RBFOX1: variants seen among roughly 807,000 people sequenced by gnomAD.
RBFOX1 encodes the protein RNA binding protein fox-1 homolog 1.
Under a neutral mutation model 57.7 loss-of-function variants are expected in RBFOX1, and 8 were observed. That is an observed-to-expected ratio of 0.14 (90% CI 0.08 to 0.25). The LOEUF (loss-of-function observed/expected upper bound fraction) is 0.25, where lower values mean the gene tolerates loss of function less well. RBFOX1 is among the 10% of genes least tolerant of loss of function. RBFOX1 has a pLI of 1.00. For synonymous variants in RBFOX1, 326 were observed against 222.4 expected, an observed-to-expected ratio of 1.47 and a Z score of -4.15; for missense variants, 611 against 548.5, an observed-to-expected ratio of 1.11 and a Z score of -1.14.
intron 3 of RBFOX1, among the ~76,000 whole-genome samples, chr16:6,933,930 A>G (rs1219077954): frequency 1.3e-5 from 2 of 152,220 alleles, no homozygotes; most frequent in Non-Finnish European, 2.9e-5. Flanking sequence ...GTGATTAAAA[A>G]ACAACAACAT....
intron 3 of RBFOX1, among the ~76,000 whole-genome samples, chr16:5,726,311 G>A (rs1268855772): frequency 1.3e-5 from 2 of 151,980 alleles, no homozygotes; most frequent in African/African-American, 2.4e-5. Flanking sequence ...AGATTTGTCA[G>A]GCCTGACTTT....
intron 3 of RBFOX1, among the ~76,000 whole-genome samples, chr16:5,740,072 A>T (rs2052721128): frequency 6.6e-6 from 1 of 152,172 alleles, no homozygotes; most frequent in African/African-American, 2.4e-5. Context: ...ACAGAAGCCC[A>T]ACGCTTGTTG....
intron 3 of RBFOX1, among the ~76,000 whole-genome samples, chr16:5,847,863 A>G (rs1329511770): frequency 6.6e-6 from 1 of 152,046 alleles, no homozygotes; most frequent in African/African-American, 2.4e-5. Flanking sequence ...CACCCAGACT[A>G]TGTTAGTCAT....
chr16:7,023,831 C>T (rs1246525808), intron 3 of RBFOX1, among the ~76,000 whole-genome samples: 1 of 151,980 alleles, frequency 6.6e-6, no homozygotes, highest in Non-Finnish European at 1.5e-5. Context: ...TTTTAATCAC[C>T]CAGATGTTAA....
At chr16:6,893,803 A>G (rs1043667405) in intron 3 of RBFOX1, among the ~76,000 whole-genome samples, 5 of 152,210 alleles carry the variant, frequency 3.3e-5, no homozygotes, top group Non-Finnish European at 5.9e-5. Context: ...GGTATCTAAA[A>G]CTTATAATCA....
intron 3 of RBFOX1, among the ~76,000 whole-genome samples, chr16:6,907,094 A>T (rs1403582262): frequency 6.6e-6 from 1 of 152,198 alleles, no homozygotes; most frequent in Non-Finnish European, 1.5e-5. Flanking sequence ...AAGGATTCTC[A>T]ACCAGAGTGA....
intron 2 of RBFOX1, among the ~76,000 whole-genome samples, chr16:6,430,833 G>C (rs968507343): frequency 2.0e-5 from 3 of 151,976 alleles, no homozygotes; most frequent in Non-Finnish European, 4.4e-5. Context: ...AGGGAGACTA[G>C]TCAAGAAGTT....
At chr16:6,645,036 C>T (rs969133226) in intron 2 of RBFOX1, among the ~76,000 whole-genome samples, 17 of 152,114 alleles carry the variant, frequency 1.1e-4, no homozygotes, top group African/African-American at 1.2e-4. Context: ...GTGAGCAGGA[C>T]GGCTCTCCCA....
In RBFOX1 at chr16:6,868,039, A is replaced by T. The variant is rs552582541; in HGVS notation, c.-15-184018A>T. 3.3e-5 allele frequency among the ~76,000 whole-genome samples: 5 copies of T among 152,188 alleles called. No individual in the cohort carries two copies. The South Asian group carries it at 1.0e-3, about 31-fold the overall frequency. ...ATACTTCAGTTAACTTATTTGCGAA[A>T]TATAGGTATTATAGTAATGTTTTTG... On this transcript the variant is annotated intron_variant, in intron 3 of 15. Transcript: ENST00000550418.
chr16:7,710,102 A>C (rs555401934), intron 15 of RBFOX1: 1 of 1,005,276 alleles, frequency 9.9e-7, no homozygotes, highest in East Asian at 1.1e-4. Context: ...CACAAGCTTA[A>C]TTACATCAAG....
At chr16:6,492,751 A>G (rs1036431673) in intron 2 of RBFOX1, among the ~76,000 whole-genome samples, 1 of 152,214 alleles carries the variant, frequency 6.6e-6, no homozygotes, top group East Asian at 1.9e-4. Context: ...ATTGGAGGTC[A>G]AGGACCCTTG....
intron 3 of RBFOX1, among the ~76,000 whole-genome samples, chr16:5,821,889 A>G (rs1360226498): frequency 6.6e-6 from 1 of 152,174 alleles, no homozygotes; most frequent in Non-Finnish European, 1.5e-5. Flanking sequence ...TTTATAAGGC[A>G]CGGAGCCTTC....
rs575750812 is a variant in RBFOX1 at position 6,983,152 on chromosome 16, T to C, written c.-15-68905T>C. On this transcript the variant is annotated intron_variant, in intron 3 of 15. Transcript: ENST00000550418. ...CTTAGCTGTTCCATTGACAGCTTCC[T>C]AGCAGGGATAGCACACCAAGCCTCT... 8.5e-5 allele frequency among the ~76,000 whole-genome samples: 13 copies of C among 152,176 alleles called. 1 individual carries two copies. The South Asian group carries it at 2.7e-3, about 32-fold the overall frequency.
At chr16:6,918,489 T>G (rs1284753503) in intron 3 of RBFOX1, among the ~76,000 whole-genome samples, 1 of 152,136 alleles carries the variant, frequency 6.6e-6, no homozygotes, top group African/African-American at 2.4e-5. Context: ...TAATTGTTAA[T>G]TAAATTAATG....
chr16:7,396,682 G>A (rs2098143766), intron 4 of RBFOX1, among the ~76,000 whole-genome samples: 2 of 152,220 alleles, frequency 1.3e-5, no homozygotes, highest in South Asian at 2.1e-4. Flanking sequence ...ACTTACACCT[G>A]TAATCCCAGC....
chr16:7,245,860 G>C (rs1199568671), intron 4 of RBFOX1, among the ~76,000 whole-genome samples: 2 of 151,998 alleles, frequency 1.3e-5, no homozygotes, highest in African/African-American at 4.8e-5. Context: ...TTTCCCCTTT[G>C]CGTTTATCTA....
At chr16:6,544,845 T>C (rs1406279503) in intron 2 of RBFOX1, among the ~76,000 whole-genome samples, 1 of 152,240 alleles carries the variant, frequency 6.6e-6, no homozygotes, top group African/African-American at 2.4e-5. Context: ...GATATTATGA[T>C]GGGGCTTGAT....
intron 4 of RBFOX1, among the ~76,000 whole-genome samples, chr16:7,454,635 G>C (rs1486481522): frequency 6.6e-6 from 1 of 152,188 alleles, no homozygotes; most frequent in Non-Finnish European, 1.5e-5. Context: ...ATGGAGACAA[G>C]ACTCTATCTA....
In RBFOX1 at chr16:7,631,545, A is replaced by T. The variant is rs1395310136; in HGVS notation, c.757+862A>T. The stretch of plus-strand genomic sequence containing the variant: ...CAGCTGAAACTTTAACATCTGTTTT[A>T]TACAATGTGTGTAAATCCTGTGGAG... On this transcript the variant is annotated intron_variant, in intron 11 of 15. Coordinates refer to ENST00000550418, the MANE Select transcript of RBFOX1 (RefSeq NM_018723.4). 3.3e-5 allele frequency among the ~76,000 whole-genome samples: 5 copies of T among 152,314 alleles called. No homozygotes were observed. The East Asian group carries it at 9.7e-4, about 29-fold the overall frequency.
Sources: gnomAD v4.1 joint callset for allele counts (sites outside exome capture counted in the v4.1 genomes callset) on GRCh38, gnomAD v4.1.1 for gene constraint, MANE v1.5 for transcripts, NCBI Gene and HGNC (gene_info 2026-07-23, HGNC 2026-07-21) for gene names.